The following CCDC178 variants were observed in gnomAD, a reference collection of about 807,000 sequenced individuals.
The protein encoded by CCDC178 is coiled-coil domain containing 178.
Under a neutral mutation model 117.4 loss-of-function variants are expected in CCDC178, and 126 were observed. That is an observed-to-expected ratio of 1.07 (90% CI 0.93 to 1.24). The LOEUF (loss-of-function observed/expected upper bound fraction) is 1.24, where lower values mean the gene tolerates loss of function less well. Ranked by LOEUF, CCDC178 falls within the 50% of genes most tolerant of loss-of-function variation. CCDC178 has a pLI of 0.00. For synonymous variants in CCDC178, 283 were observed against 313.4 expected (o/e 0.90, Z 1.02); for missense variants, 1,030 against 986.9 (o/e 1.04, Z -0.59).
At chr18:33,170,176 T>A (rs2058582115) in intron 20 of CCDC178, among the ~76,000 whole-genome samples, 1 of 152,088 alleles carries the variant, frequency 6.6e-6, no homozygotes, top group Admixed American at 6.6e-5. Flanking sequence ...TAGCTACTCT[T>A]GTAATCTAAG....
chr18:33,036,848 T>A (rs1479193154), intron 21 of CCDC178, among the ~76,000 whole-genome samples: 1 of 151,928 alleles, frequency 6.6e-6, no homozygotes, highest in Non-Finnish European at 1.5e-5. Context: ...AAGCGGTTGG[T>A]GTAATCCAGA....
chr18:33,415,581 A>T (rs2063928768), intron 2 of CCDC178, among the ~76,000 whole-genome samples: 1 of 152,122 alleles, frequency 6.6e-6, no homozygotes, highest in Non-Finnish European at 1.5e-5. Flanking sequence ...TAGCATTAGG[A>T]GATATACCTA....
chr18:33,277,903 T>C (rs2059969595), intron 12 of CCDC178, among the ~76,000 whole-genome samples: 3 of 152,108 alleles, frequency 2.0e-5, no homozygotes, highest in African/African-American at 7.2e-5. Context: ...CCATGTAACC[T>C]TGCATATTTA....
intron 21 of CCDC178, among the ~76,000 whole-genome samples, chr18:32,998,997 C>T (rs1208324957): frequency 6.6e-6 from 1 of 152,054 alleles, no homozygotes; most frequent in Non-Finnish European, 1.5e-5. Context: ...TAGGTAGCAT[C>T]TTGGCCACAG....
intron 11 of CCDC178, among the ~76,000 whole-genome samples, chr18:33,312,813 A>G (rs1467273680): frequency 6.6e-6 from 1 of 152,186 alleles, no homozygotes; most frequent in East Asian, 1.9e-4. Flanking sequence ...TAATTCCCAC[A>G]TAATGTTGAA....
chr18:33,106,488 C>T (rs188917662), intron 20 of CCDC178, among the ~76,000 whole-genome samples: 1 of 151,692 alleles, frequency 6.6e-6, no homozygotes, highest in East Asian at 2.0e-4. Context: ...TTGAACATTC[C>T]GAAATTGACA....
chr18:33,043,967 A>G (rs946054376), intron 21 of CCDC178, among the ~76,000 whole-genome samples: 1 of 151,606 alleles, frequency 6.6e-6, no homozygotes, highest in South Asian at 2.1e-4. Context: ...ATATTAAAAT[A>G]ATAAGAGTTT....
At chr18:33,260,386 T>C (rs2059729337) in intron 14 of CCDC178, among the ~76,000 whole-genome samples, 2 of 151,820 alleles carry the variant, frequency 1.3e-5, no homozygotes, top group Non-Finnish European at 2.9e-5. Flanking sequence ...TGTTCAGTTC[T>C]GCAGATTTCT....
intron 20 of CCDC178, among the ~76,000 whole-genome samples, chr18:33,197,487 T>A (rs1035496503): frequency 6.6e-6 from 1 of 152,170 alleles, no homozygotes; most frequent in Admixed American, 6.5e-5. Flanking sequence ...GGACCCATTA[T>A]AATTCCAGGT....
intron 11 of CCDC178, among the ~76,000 whole-genome samples, chr18:33,317,103 T>C (rs960394531): frequency 8.5e-5 from 13 of 152,142 alleles, no homozygotes; most frequent in African/African-American, 3.1e-4. Context: ...GGCAACCTGC[T>C]TGGGTCCCCT....
At chr18:33,262,952 A>C (rs2035197278) in intron 14 of CCDC178, among the ~76,000 whole-genome samples, 1 of 152,176 alleles carries the variant, frequency 6.6e-6, no homozygotes, top group South Asian at 2.1e-4. Context: ...GTGGGACTTT[A>C]GGAAAGCCAC....
chr18:33,305,089 A>C (rs1404750262), intron 11 of CCDC178, among the ~76,000 whole-genome samples: 2 of 152,108 alleles, frequency 1.3e-5, no homozygotes, highest in Non-Finnish European at 2.9e-5. Context: ...GAAGGACCCC[A>C]TCTGTTGAAG....
rs1042092291 is a variant in CCDC178, at chr18:33,411,828, G to T, written c.58+203C>A. Among the ~76,000 whole-genome samples, 5 of 152,126 alleles carry T rather than the reference G, an allele frequency of 3.3e-5. No homozygotes were observed. The East Asian group carries it at 9.7e-4, about 29-fold the overall frequency. On this transcript the variant is annotated intron_variant, in intron 3 of 22. Coordinates refer to ENST00000383096, the MANE Select transcript of CCDC178 (RefSeq NM_001105528.4). ...TTCATCCATAATTATAAAATAAACT[G>T]ATTATAATTCAGATAATGTGTTTTT... is the stretch of plus-strand genomic sequence containing the variant.
At chr18:33,224,010 A>G (rs1490511164) in intron 17 of CCDC178, among the ~76,000 whole-genome samples, 1 of 152,214 alleles carries the variant, frequency 6.6e-6, no homozygotes, top group African/African-American at 2.4e-5. Flanking sequence ...CCTATTTCAT[A>G]GGAAGGCTTT....
chr18:33,203,743 C>CA, intron 20 of CCDC178, among the ~76,000 whole-genome samples: 1 of 152,164 alleles, frequency 6.6e-6, no homozygotes, highest in Admixed American at 6.5e-5. Context: ...AAAGGGTTCA[C>CA]ATTATCTCTC....
At chr18:32,983,222 G>A (rs961613630) in intron 21 of CCDC178, 5 of 956,682 alleles carry the variant, frequency 5.2e-6, no homozygotes, top group African/African-American at 3.2e-5. Flanking sequence ...ACACTTGTTA[G>A]AGGTTACAGT....
chr18:33,397,657 C>G (rs185722040), intron 3 of CCDC178, among the ~76,000 whole-genome samples: 1 of 152,034 alleles, frequency 6.6e-6, no homozygotes, highest in African/African-American at 2.4e-5. Context: ...GAAAGATAAA[C>G]GCAATTATTT....
intron 20 of CCDC178, among the ~76,000 whole-genome samples, chr18:33,181,214 A>G: frequency 6.6e-6 from 1 of 151,920 alleles, no homozygotes; most frequent in East Asian, 1.9e-4. Context: ...TAAGTTTGCT[A>G]TGGCCAGCAG....
intron 20 of CCDC178, among the ~76,000 whole-genome samples, chr18:33,167,693 G>C (rs936442061): frequency 6.6e-6 from 1 of 151,630 alleles, no homozygotes; most frequent in African/African-American, 2.4e-5. Flanking sequence ...GTGAAACCCT[G>C]TCTCTACTAA....
Sources: gnomAD v4.1 joint callset for allele counts (sites outside exome capture counted in the v4.1 genomes callset) on GRCh38, gnomAD v4.1.1 for gene constraint, MANE v1.5 for transcripts, NCBI Gene and HGNC (gene_info 2026-07-23, HGNC 2026-07-21) for gene names.